Variants in FLNC observed in about 807,000 individuals in gnomAD.
FLNC encodes filamin C, also known as filamin-C.
Under a neutral mutation model 254.3 loss-of-function variants are expected in FLNC, and 91 were observed. The observed-to-expected ratio is 0.36, with a 90% CI of 0.30 to 0.43. FLNC has a LOEUF of 0.43. Among genes scored for constraint, FLNC ranks in the 20% least tolerant of loss-of-function variants. The probability of loss-of-function intolerance (pLI) is 1.00; values close to 1 mark genes in which losing one functional copy is unlikely to be tolerated. For synonymous variants in FLNC, 1,430 were observed against 1,577.2 expected, an observed-to-expected ratio of 0.91 and a Z score of 2.21; for missense variants, 2,853 against 3,802.6, an observed-to-expected ratio of 0.75 and a Z score of 6.57.
chr7:128,840,556 GAGGAGCCAGTGA>G lies in FLNC; in HGVS notation c.1562_1573del (p.Glu521_Lys524del). On this transcript the variant is annotated inframe_deletion, in exon 10 of 48. Coordinates refer to ENST00000325888, the MANE Select transcript of FLNC (RefSeq NM_001458.5). ...TGCCCCCATCTCCTCAGAGGGCACA[GAGGAGCCAGTGA>G]AGGTGCGGGAGGCTGGGGATGGTGT... 6.2e-7 allele frequency: 1 copy of G among 1,614,202 alleles called. No homozygotes were observed. Among genetic ancestry groups the G allele is most frequent in the South Asian group, 1.1e-5 (1 of 91,086 alleles).
chr7:128,840,755 T>G, intron 10 of FLNC, 79 bp from the exon 11 acceptor site: 1 of 1,504,524 alleles, frequency 6.6e-7, no homozygotes, highest in Non-Finnish European at 9.1e-7. Flanking sequence ...CGAGGGAGTT[T>G]GAGGGGAGAT....
Position 128,854,053 on chromosome 7 carries a change from G to T in FLNC, c.6564G>T (p.Thr2188=). ...GCAGCAGCCACACCTACACCCGCAC[G>T]GAGCGCACGGAGATCAGCAAGACGC... ...FTRSSHTYTR[T]ERTEISKTRG... Residue 2188 remains threonine (T), a synonymous_variant, in exon 40 of 48, where the codon ACG becomes ACT. Transcript: ENST00000325888. The T allele has an allele frequency of 6.2e-7, 1 of 1,613,230 alleles. No homozygotes were observed. The highest frequency in any genetic ancestry group is 8.5e-7 in the Non-Finnish European group (1 of 1,179,996).
At chr7:128,849,881 T>C (rs2128937904) in intron 30 of FLNC, 95 bp from the exon 31 acceptor site, 1 of 937,936 alleles carries the variant, frequency 1.1e-6, no homozygotes, top group Non-Finnish European at 1.7e-6. Flanking sequence ...ACCCAAATTA[T>C]CACCCAGCAT....
rs745650222 is a variant in FLNC at position 128,849,992 on chromosome 7, C to A, written c.5216C>A (p.Pro1739Gln). The stretch of plus-strand genomic sequence containing the variant: ...CCTCCCCAGGCGTGTGACCCCCTGC[C>A]GCACGAGGAGGAGCCCTCTGAAGTG... ...PFHVLACDPLPHEEEPSEVPQ... is the reference protein window; with the variant it reads ...PFHVLACDPLQHEEEPSEVPQ... The change falls in exon 31 of 48, where the codon CCG becomes CAG. Residue 1739 changes from proline (P) to glutamine (Q), a missense_variant. Coordinates refer to ENST00000325888, the MANE Select transcript of FLNC (RefSeq NM_001458.5). The A allele has an allele frequency of 5.7e-6, 9 of 1,586,894 alleles. No individual in the cohort carries two copies. Among genetic ancestry groups the A allele is most frequent in the Middle Eastern group, 3.3e-4 (2 of 6,048 alleles).
In FLNC at chr7:128,856,121, T is replaced by C. The variant is rs1809045701; in HGVS notation, c.7252-397T>C. ...TGGTCCTCCCTGTTGGTCCACCTTC[T>C]CCAGGAAGCTCTCCCAGGCCAGGCC... is the stretch of plus-strand genomic sequence containing the variant. On this transcript the variant is annotated intron_variant, in intron 43 of 47. Coordinates refer to ENST00000325888, the MANE Select transcript of FLNC (RefSeq NM_001458.5). The surrounding 1 kb of genome is among the most constrained non-coding windows in gnomAD (Gnocchi z 5.9). Among the ~76,000 whole-genome samples the C allele has an allele frequency of 6.6e-6, 1 of 152,148 alleles. No homozygotes were observed. The highest frequency in any genetic ancestry group is 2.4e-5 in the African/African-American group (1 of 41,416).
At chr7:128,850,147 A>G in intron 31 of FLNC, 73 bp downstream of exon 31, 1 of 1,304,774 alleles carries the variant, frequency 7.7e-7, no homozygotes. Context: ...ACTCCTCTGC[A>G]GCCAGGGCGG....
At chr7:128,839,340 T>C (rs1435573287) in intron 8 of FLNC, among the ~76,000 whole-genome samples, 4 of 152,222 alleles carry the variant, frequency 2.6e-5, no homozygotes, top group African/African-American at 9.6e-5. Context: ...TGGTGATTTC[T>C]ATGATGAAAT....
chr7:128,843,083 G>T, intron 16 of FLNC, 129 bp downstream of exon 16: 1 of 1,382,134 alleles, frequency 7.2e-7, no homozygotes, highest in African/African-American at 1.4e-5. Flanking sequence ...GTGTGAGGCA[G>T]GGTGCCTCAG....
chr7:128,858,189 C>G lies in FLNC; in HGVS notation c.7962C>G (p.Asn2654Lys). 6.5e-7 allele frequency: 1 copy of G among 1,528,812 alleles called. No individual in the cohort carries two copies. Among genetic ancestry groups the G allele is most frequent in the Non-Finnish European group, 9.1e-7 (1 of 1,103,130 alleles). The allele number at this position is 1,528,812 out of a possible 1,614,324, so 94.7% of individuals were successfully genotyped here. ...GLSQAFVGQK[N>K]SFTVDCSKAG... is the part of the protein sequence containing the mutation. ...CCCAGGCCTTCGTGGGCCAGAAGAA[C>G]TCCTTCACCGTGGACTGCAGCAAAG... Residue 2654 changes from asparagine to lysine, a missense_variant, in exon 47 of 48, where the codon AAC becomes AAG. By Grantham distance (94) the Asn-to-Lys change is moderately conservative. Coordinates refer to ENST00000325888, the MANE Select transcript of FLNC (RefSeq NM_001458.5). The surrounding 1 kb of genome is among the most constrained non-coding windows in gnomAD (Gnocchi z 6.7).
At chr7:128,853,859 G>T in intron 39 of FLNC, 22 bp downstream of exon 39, 4 of 1,613,290 alleles carry the variant, frequency 2.5e-6, no homozygotes, top group Non-Finnish European at 3.4e-6. Flanking sequence ...GAGGACCCTG[G>T]GTGGGGCGGG....
In FLNC at chr7:128,851,633, G is replaced by A. The variant is rs1254947768; in HGVS notation, c.5842+5G>A. ...CCTTCACAGCCAAGATCACAGGTGA[G>A]GCGGGTGTATGGGCATGTACAGCCC... On this transcript the variant is annotated splice_donor_5th_base_variant and intron_variant, in intron 35 of 47. Transcript: ENST00000325888. 6.2e-7 allele frequency: 1 copy of A among 1,613,582 alleles called. No homozygotes were observed.
At chr7:128,840,257 C>A in intron 9 of FLNC, 97 bp downstream of exon 9, 3 of 1,443,010 alleles carry the variant, frequency 2.1e-6, no homozygotes, top group Non-Finnish European at 2.9e-6. Flanking sequence ...TGACAGCCAG[C>A]ACCACAGCTC....
intron 28 of FLNC, 67 bp from the exon 29 acceptor site, chr7:128,849,114 T>G: frequency 1.4e-5 from 12 of 838,384 alleles, no homozygotes; most frequent in Non-Finnish European, 2.1e-5. Flanking sequence ...CCTCCCTCCC[T>G]CACCCCCGCC....
At position 128,835,708 on chromosome 7, in the gene FLNC, GTCC is replaced by G. The variant is rs1399912778; in HGVS notation, c.601+141_601+143del. ...GGGGCCAGGATCCCCTGCAGGGTTT[GTCC>G]TCCTCCAGCTGTGGCTCTCCGCTGG... On this transcript the variant is annotated intron_variant, in intron 2 of 47. Coordinates refer to ENST00000325888, the MANE Select transcript of FLNC (RefSeq NM_001458.5). The surrounding 1 kb of genome is among the most constrained non-coding windows in gnomAD (Gnocchi z 5.3). 1.0e-6 allele frequency: 1 copy of G among 998,532 alleles called. No individual in the cohort carries two copies. The highest frequency in any genetic ancestry group is 1.5e-6 in the Non-Finnish European group (1 of 665,962). The allele number at this position is 998,532 out of a possible 1,614,324, so 61.9% of individuals were successfully genotyped here. A position where few individuals can be genotyped will look rare whatever the true frequency, so the allele number is the denominator to read the frequency against.
At position 128,842,132 on chromosome 7, in the gene FLNC, T is replaced by C. The variant is rs1808357483; in HGVS notation, c.2122-99T>C. ...GCTGGTGTGGGGGCGGGAGTGCCAG[T>C]GTTGGGGGTGGGAAAGGAGGCGCTG... is the stretch of plus-strand genomic sequence containing the variant. On this transcript the variant is annotated intron_variant, in intron 13 of 47. Coordinates refer to ENST00000325888, the MANE Select transcript of FLNC (RefSeq NM_001458.5). The surrounding 1 kb of genome is among the most constrained non-coding windows in gnomAD (Gnocchi z 5.4). 8.0e-7 allele frequency: 1 copy of C among 1,257,056 alleles called. No individual in the cohort carries two copies. Among genetic ancestry groups the C allele is most frequent in the East Asian group, 2.5e-5 (1 of 39,434 alleles). 77.9% of individuals were successfully genotyped at this position (1,257,056 alleles called of 1,614,324 possible). A position where few individuals can be genotyped will look rare whatever the true frequency, so the allele number is the denominator to read the frequency against.
chr7:128,837,612 C>A (rs200545315), intron 4 of FLNC, 25 bp from the exon 5 acceptor site: 43 of 1,613,124 alleles, frequency 2.7e-5, no homozygotes, highest in African/African-American at 8.0e-5. Flanking sequence ...CCCTGAGTAA[C>A]CTGGGCTCTG....
Position 128,841,093 on chromosome 7 carries a change from G to C in FLNC, c.1814-77G>C. On this transcript the variant is annotated intron_variant, in intron 11 of 47. Coordinates refer to ENST00000325888, the MANE Select transcript of FLNC (RefSeq NM_001458.5). This position sits in a 1 kb window ranked among gnomAD's most constrained non-coding sequence, Gnocchi z 4.3. ...GGTGAGCAGGGAGATAGGACATGAG[G>C]GCAGCTAGAGGGGAGCTGGGGGACG... The C allele has an allele frequency of 6.3e-7, 1 of 1,581,656 alleles. No homozygotes were observed. Among genetic ancestry groups the C allele is most frequent in the Non-Finnish European group, 8.7e-7 (1 of 1,155,896 alleles).
At position 128,837,728 on chromosome 7, in the gene FLNC, C is replaced by G; in HGVS notation, c.942C>G (p.Ile314Met). 6.3e-7 allele frequency: 1 copy of G among 1,594,404 alleles called. No individual in the cohort carries two copies. The highest frequency in any genetic ancestry group is 1.1e-5 in the South Asian group (1 of 89,408). ...GCGTGGGCGAGGTGCTGGTCTACAT[C>G]GAGGACCCTGAAGGCCACACCGAGG... The part of the protein sequence containing the change: ...DAGVGEVLVY[I>M]EDPEGHTEEA... The change falls in exon 5 of 48, where the codon ATC (isoleucine) becomes ATG (methionine). Residue 314 changes from isoleucine to methionine, a missense_variant. By Grantham distance (10) the Ile-to-Met change is conservative. Transcript: ENST00000325888.
Position 128,856,084 on chromosome 7 carries a change from C to T in FLNC, c.7252-434C>T, listed in dbSNP as rs1473418229. Among the ~76,000 whole-genome samples, 1 of 152,230 alleles carries T rather than the reference C, an allele frequency of 6.6e-6. No homozygotes were observed. The highest frequency in any genetic ancestry group is 6.5e-5 in the Admixed American group (1 of 15,288). ...CTCCAATCCCTCCCCCAGAGCCCTT[C>T]TGTGCTTCTTCTGGTCCTCCCTGTT... On this transcript the variant is annotated intron_variant, in intron 43 of 47. Transcript: ENST00000325888. This position sits in a 1 kb window ranked among gnomAD's most constrained non-coding sequence, Gnocchi z 5.9.
Sources: gnomAD v4.1 joint callset for allele counts (sites outside exome capture counted in the v4.1 genomes callset) on GRCh38, gnomAD v4.1.1 for gene constraint, Gnocchi (gnomAD v3.1) non-coding constraint, MANE v1.5 for transcripts, NCBI Gene and HGNC (gene_info 2026-07-23, HGNC 2026-07-21) for gene names.